Variants in ADGRV1 observed in about 807,000 individuals in gnomAD.
ADGRV1 encodes adhesion G protein-coupled receptor V1, also known as G-protein coupled receptor 98.
Under a neutral mutation model 596.2 loss-of-function variants are expected in ADGRV1, and 359 were observed. The ratio of observed to expected loss-of-function variants is 0.60; its 90% CI spans 0.55 to 0.66. The LOEUF is 0.66. Ranked by LOEUF, ADGRV1 falls within the 30% of genes least tolerant of loss-of-function variation. ADGRV1 has a pLI of 0.00. For synonymous variants in ADGRV1, 2,681 were observed against 2,679.2 expected, an observed-to-expected ratio of 1.00 and a Z score of -0.02; for missense variants, 7,274 against 7,575.6, an observed-to-expected ratio of 0.96 and a Z score of 1.48.
intron 78 of ADGRV1, among the ~76,000 whole-genome samples, chr5:90,844,699 G>A (rs1765712649): frequency 6.6e-6 from 1 of 152,110 alleles, no homozygotes; most frequent in Non-Finnish European, 1.5e-5. Flanking sequence ...CTAATTTTTT[G>A]TTCTGAAACA....
chr5:90,809,570 C>T (rs1762252114), intron 73 of ADGRV1, among the ~76,000 whole-genome samples: 1 of 152,042 alleles, frequency 6.6e-6, no homozygotes, highest in African/African-American at 2.4e-5. Flanking sequence ...GAAGAATCCT[C>T]CCTAAAGGCA....
chr5:91,102,447 G>GTA (rs1361063685), intron 87 of ADGRV1, 107 bp downstream of exon 87: 4 of 948,086 alleles, frequency 4.2e-6, no homozygotes, highest in Non-Finnish European at 6.0e-6. Flanking sequence ...GTGAATTTGT[G>GTA]TACATAATAA....
chr5:90,963,492 C>T (rs1778194697), intron 83 of ADGRV1, among the ~76,000 whole-genome samples: 1 of 151,728 alleles, frequency 6.6e-6, no homozygotes, highest in African/African-American at 2.4e-5. Context: ...TTTAAGGGAA[C>T]TCATTTGTAT....
chr5:90,761,998 T>G (rs1176364676), intron 58 of ADGRV1, among the ~76,000 whole-genome samples: 2 of 152,176 alleles, frequency 1.3e-5, no homozygotes, highest in Non-Finnish European at 2.9e-5. Context: ...TGACACAGAT[T>G]AGATTCACAG....
intron 86 of ADGRV1, among the ~76,000 whole-genome samples, chr5:91,078,581 T>G (rs1789052284): frequency 6.6e-6 from 1 of 152,234 alleles, no homozygotes; most frequent in Non-Finnish European, 1.5e-5. Context: ...ATGGCAGTTT[T>G]AGATTCCTTC....
intron 85 of ADGRV1, among the ~76,000 whole-genome samples, chr5:90,996,832 T>C (rs1781461084): frequency 6.6e-6 from 1 of 152,154 alleles, no homozygotes; most frequent in African/African-American, 2.4e-5. Context: ...ATGTGAGACA[T>C]AGAATCAAAA....
chr5:91,138,668 A>G (rs1047440442), intron 87 of ADGRV1, among the ~76,000 whole-genome samples: 2 of 152,326 alleles, frequency 1.3e-5, no homozygotes, highest in South Asian at 2.1e-4. Context: ...ATATTATCTC[A>G]AAGCCATAAA....
At chr5:90,708,742 T>C in intron 38 of ADGRV1, 74 bp from the exon 39 acceptor site, 1 of 946,058 alleles carries the variant, frequency 1.1e-6, no homozygotes, top group Non-Finnish European at 1.6e-6. Flanking sequence ...TACAGTTTAA[T>C]TTAAAAACAG....
chr5:90,587,103 A>T (rs1486586234), intron 1 of ADGRV1, among the ~76,000 whole-genome samples: 1 of 152,100 alleles, frequency 6.6e-6, no homozygotes, highest in East Asian at 1.9e-4. Context: ...TTTCATCCCT[A>T]TGAACATATG....
At chr5:91,160,589 T>A (rs1181609752) in intron 89 of ADGRV1, among the ~76,000 whole-genome samples, 1 of 152,228 alleles carries the variant, frequency 6.6e-6, no homozygotes, top group Non-Finnish European at 1.5e-5. Flanking sequence ...CCTGTTCTAT[T>A]GACCAAAGGA....
chr5:91,006,875 G>C (rs981125880), intron 85 of ADGRV1, among the ~76,000 whole-genome samples: 1 of 152,020 alleles, frequency 6.6e-6, no homozygotes, highest in Non-Finnish European at 1.5e-5. Flanking sequence ...TATAACCTCT[G>C]ACCCTGCATG....
rs760903910 is a variant in ADGRV1 at position 90,823,508 on chromosome 5, T to A, written c.16280T>A (p.Val5427Glu). The change falls in exon 76 of 90, where the codon GTG becomes GAG. Residue 5427 changes from valine to glutamate, a missense_variant. By Grantham distance (121) the Val-to-Glu change is moderately radical. Around this residue, in one of 5 missense-constraint regions of ADGRV1, gnomAD observed 1,874 missense variants for 1,970.2 expected, o/e 0.95. Coordinates refer to ENST00000405460, the MANE Select transcript of ADGRV1 (RefSeq NM_032119.4). ...CTCCAGAAGGATGGGGTAAACCTGG[T>A]GGAGGAACTTCAGTCTGTGTCAGGG... ...VVLQKDGVNL[V>E]EELQSVSGTT... 15 of 1,613,918 alleles carry A rather than the reference T, an allele frequency of 9.3e-6. No homozygotes were observed. Among genetic ancestry groups the A allele is most frequent in the Non-Finnish European group, 1.2e-5 (14 of 1,179,826 alleles).
chr5:91,079,710 G>C (rs1029116489), intron 86 of ADGRV1, among the ~76,000 whole-genome samples: 4 of 152,178 alleles, frequency 2.6e-5, no homozygotes, highest in African/African-American at 9.7e-5. Flanking sequence ...TAGAACTCAG[G>C]TTTCCTGGAT....
chr5:90,729,396 A>T (rs1022642617), intron 49 of ADGRV1, among the ~76,000 whole-genome samples: 6 of 152,086 alleles, frequency 3.9e-5, no homozygotes, highest in Admixed American at 2.0e-4. Flanking sequence ...TAAAAAAATT[A>T]AAAAAAATTG....
At chr5:90,918,321 A>G (rs900052877) in intron 83 of ADGRV1, among the ~76,000 whole-genome samples, 21 of 152,202 alleles carry the variant, frequency 1.4e-4, no homozygotes, top group African/African-American at 5.1e-4. Flanking sequence ...AGACTAAGTG[A>G]AAGCCCAGAT....
chr5:90,692,891 A>G (rs939757660), intron 32 of ADGRV1, 105 bp downstream of exon 32: 2 of 793,178 alleles, frequency 2.5e-6, no homozygotes, highest in Non-Finnish European at 3.8e-6. Context: ...GGTTTTTTCT[A>G]TGCCATAAAT....
At chr5:90,717,741 G>T (rs918643691) in intron 43 of ADGRV1, 5 of 152,016 alleles carry the variant, frequency 3.3e-5, no homozygotes, top group African/African-American at 1.2e-4. Context: ...TCCTGACCTC[G>T]TGATCCGCCC....
In ADGRV1 at chr5:91,151,821, G is replaced by A. The variant is rs115502972; in HGVS notation, c.18625-1400G>A. ...TGGAGAACACAGATATAACACATTT[G>A]TATCAGTGCAGAAAGTTTTATTGGA... On this transcript the variant is annotated intron_variant, in intron 88 of 89. Coordinates refer to ENST00000405460, the MANE Select transcript of ADGRV1 (RefSeq NM_032119.4). 5.3e-3 allele frequency among the ~76,000 whole-genome samples: 811 copies of A among 152,336 alleles called. 5 individuals carry two copies. Among genetic ancestry groups the A allele is most frequent in the African/African-American group, 0.019 (779 of 41,570 alleles).
intron 10 of ADGRV1, among the ~76,000 whole-genome samples, chr5:90,637,025 G>A (rs1346240431): frequency 6.6e-6 from 1 of 151,996 alleles, no homozygotes; most frequent in Non-Finnish European, 1.5e-5. Context: ...TATTATAATA[G>A]CTTCCATTTA....
Sources: allele counts gnomAD v4.1 joint callset (sites outside exome capture counted in the v4.1 genomes callset), GRCh38; gene constraint gnomAD v4.1.1; regional missense constraint gnomAD v4.1.1; transcripts MANE v1.5; gene names NCBI Gene and HGNC (gene_info 2026-07-23, HGNC 2026-07-21).